The following OSBPL5 variants were observed in gnomAD, a reference collection of about 807,000 sequenced individuals.
OSBPL5 encodes the protein oxysterol binding protein like 5.
In OSBPL5, 71 loss-of-function variants were observed where a neutral mutation model predicts 111.2. The ratio of observed to expected loss-of-function variants is 0.64; its 90% CI spans 0.53 to 0.78. OSBPL5 has a LOEUF of 0.78. Among genes scored for constraint, OSBPL5 ranks in the 30% least tolerant of loss-of-function variants. The pLI, the probability that OSBPL5 is intolerant of heterozygous loss-of-function variation, is 0.00. For synonymous variants in OSBPL5, 549 were observed against 513.9 expected, an observed-to-expected ratio of 1.07 and a Z score of -0.93; for missense variants, 1,210 against 1,189.3, an observed-to-expected ratio of 1.02 and a Z score of -0.26.
At chr11:3,112,066 T>TGTGCGCGC (rs1165100268) in intron 7 of OSBPL5, among the ~76,000 whole-genome samples, 6 of 84,920 alleles carry the variant, frequency 7.1e-5, no homozygotes, top group African/African-American at 1.3e-4. Flanking sequence ...CATGTGTATG[T>TGTGCGCGC]GTGTGTGCAT....
chr11:3,095,548 T>C (rs150426193), intron 14 of OSBPL5, among the ~76,000 whole-genome samples: 351 of 152,278 alleles, frequency 2.3e-3, no homozygotes, highest in Middle Eastern at 6.8e-3. Flanking sequence ...ATGGCCCCCA[T>C]TGGCCAAAGA....
In OSBPL5 at chr11:3,113,845, C is replaced by G. The variant is rs1253811626; in HGVS notation, c.691+5702G>C. 3.9e-5 allele frequency among the ~76,000 whole-genome samples: 6 copies of G among 152,110 alleles called. No individual in the cohort carries two copies. The highest frequency in any genetic ancestry group is 8.8e-5 in the Non-Finnish European group (6 of 68,022). On this transcript the variant is annotated intron_variant, in intron 7 of 21. Transcript: ENST00000263650. This position sits in a 1 kb window ranked among gnomAD's most constrained non-coding sequence, Gnocchi z 4.8. ...AAGTTCCTCCCAAAGTTAGTTTGAC[C>G]TATGCCCAGGAATGAACAAGGATAG...
chr11:3,117,071 T>G (rs1317221813), intron 7 of OSBPL5, among the ~76,000 whole-genome samples: 2 of 152,246 alleles, frequency 1.3e-5, no homozygotes, highest in African/African-American at 4.8e-5. Flanking sequence ...TATTCGTAAC[T>G]TATGACAATA....
rs986155295 is a variant in OSBPL5, at chr11:3,113,858, T to C, written c.691+5689A>G. On this transcript the variant is annotated intron_variant, in intron 7 of 21. Coordinates refer to ENST00000263650, the MANE Select transcript of OSBPL5 (RefSeq NM_020896.4). This position sits in a 1 kb window ranked among gnomAD's most constrained non-coding sequence, Gnocchi z 4.8. ...AGTTAGTTTGACCTATGCCCAGGAATGAACAAGGATAGCTTGAAGGTTAGA... is the reference window on the plus strand; with the variant it reads ...AGTTAGTTTGACCTATGCCCAGGAACGAACAAGGATAGCTTGAAGGTTAGA... Among the ~76,000 whole-genome samples, 10 of 152,322 alleles carry C rather than the reference T, an allele frequency of 6.6e-5. No homozygotes were observed. Among genetic ancestry groups the C allele is most frequent in the Middle Eastern group, 3.4e-3 (1 of 294 alleles).
Position 3,104,174 on chromosome 11 carries a change from C to G in OSBPL5, c.1244+19G>C. 6.3e-7 allele frequency: 1 copy of G among 1,589,788 alleles called. No individual in the cohort carries two copies. Among genetic ancestry groups the G allele is most frequent in the Non-Finnish European group, 8.6e-7 (1 of 1,162,740 alleles). On this transcript the variant is annotated intron_variant, in intron 10 of 21. Transcript: ENST00000263650. This position sits in a 1 kb window ranked among gnomAD's most constrained non-coding sequence, Gnocchi z 5.0. Reference sequence around the variant, plus strand: ...ATGCAGGACGAGGTGTGGGGTGCCCCTCCCGGCATGGCGCGCACCTGGAGA... The same window carrying G: ...ATGCAGGACGAGGTGTGGGGTGCCCGTCCCGGCATGGCGCGCACCTGGAGA...
chr11:3,154,296 A>G lies in OSBPL5; in HGVS notation c.-22+10920T>C, dbSNP rs1218911386. ...GCCAGTAGGTAGCAGGATGTGTCGT[A>G]GAGGGCTTGCTGACCCCAAACATGC... On this transcript the variant is annotated intron_variant, in intron 1 of 21. Coordinates refer to ENST00000263650, the MANE Select transcript of OSBPL5 (RefSeq NM_020896.4). This position sits in a 1 kb window ranked among gnomAD's most constrained non-coding sequence, Gnocchi z 4.9. 4.6e-5 allele frequency among the ~76,000 whole-genome samples: 7 copies of G among 152,250 alleles called. No homozygotes were observed. The highest frequency in any genetic ancestry group is 1.0e-4 in the Non-Finnish European group (7 of 68,050).
At chr11:3,090,100 C>T (rs919915395) in intron 20 of OSBPL5, 152 bp from the exon 21 acceptor site, 4 of 604,154 alleles carry the variant, frequency 6.6e-6, no homozygotes, top group Middle Eastern at 4.3e-4. Flanking sequence ...GCTGAAGACA[C>T]GGAGATGAGG....
At chr11:3,091,677 C>T (rs1313674140) in intron 19 of OSBPL5, among the ~76,000 whole-genome samples, 2 of 152,158 alleles carry the variant, frequency 1.3e-5, no homozygotes, top group Non-Finnish European at 2.9e-5. Context: ...TGTCTACCTT[C>T]CTGAGGCTTC....
chr11:3,094,448 T>A, intron 14 of OSBPL5, 114 bp from the exon 15 acceptor site: 4 of 763,128 alleles, frequency 5.2e-6, no homozygotes, highest in Non-Finnish European at 8.8e-6. Context: ...GCAGCACCGA[T>A]CCCTGGGAGG....
At chr11:3,101,287 C>A (rs1273358862) in intron 13 of OSBPL5, among the ~76,000 whole-genome samples, 1 of 151,196 alleles carries the variant, frequency 6.6e-6, no homozygotes, top group African/African-American at 2.4e-5. Flanking sequence ...AGTTTCATTT[C>A]ATTTTAGCCA....
In OSBPL5 at chr11:3,110,976, G is replaced by A. The variant is rs554059933; in HGVS notation, c.692-3031C>T. On this transcript the variant is annotated intron_variant, in intron 7 of 21. Transcript: ENST00000263650. The surrounding 1 kb of genome is among the most constrained non-coding windows in gnomAD (Gnocchi z 5.3). The stretch of plus-strand genomic sequence containing the variant: ...AAACTTTCTAAATTAACTGAGACCT[G>A]TCTCAGATTTTCAGGGTTCAAACAT... Among the ~76,000 whole-genome samples, 1 of 152,242 alleles carries A rather than the reference G, an allele frequency of 6.6e-6. No individual in the cohort carries two copies. Among genetic ancestry groups the A allele is most frequent in the Non-Finnish European group, 1.5e-5 (1 of 68,024 alleles).
At position 3,092,762 on chromosome 11, in the gene OSBPL5, G is replaced by T. The variant is rs535954344; in HGVS notation, c.2132+105C>A. The T allele has an allele frequency of 1.3e-4, 179 of 1,405,976 alleles. 1 individual carries two copies. In the East Asian group the frequency reaches 2.8e-3, roughly 22 times the overall value. 87.1% of individuals were successfully genotyped at this position (1,405,976 alleles called of 1,614,324 possible). A position where few individuals can be genotyped will look rare whatever the true frequency, so the allele number is the denominator to read the frequency against. On this transcript the variant is annotated intron_variant, in intron 18 of 21. Coordinates refer to ENST00000263650, the MANE Select transcript of OSBPL5 (RefSeq NM_020896.4). This position sits in a 1 kb window ranked among gnomAD's most constrained non-coding sequence, Gnocchi z 5.4. ...CCCTCCCCCACCGACTCCTCCAGGGGACAGGCTGAAGGTGAGAGGGAAGCC... is the reference window on the plus strand; with the variant it reads ...CCCTCCCCCACCGACTCCTCCAGGGTACAGGCTGAAGGTGAGAGGGAAGCC...
rs1025224721 is a variant in OSBPL5, at chr11:3,142,609, C to T, written c.-21-13440G>A. ...TACAGGTCTGAGAGTCACCGTCTCG[C>T]GGGTGGAGAGCCTGGGTGGTGCGTT... On this transcript the variant is annotated intron_variant, in intron 1 of 21. Transcript: ENST00000263650. The surrounding 1 kb of genome is among the most constrained non-coding windows in gnomAD (Gnocchi z 7.1). 2.0e-5 allele frequency among the ~76,000 whole-genome samples: 3 copies of T among 152,222 alleles called. No homozygotes were observed. The highest frequency in any genetic ancestry group is 4.8e-5 in the African/African-American group (2 of 41,460).
At chr11:3,133,454 G>A (rs541210703) in intron 1 of OSBPL5, among the ~76,000 whole-genome samples, 1 of 152,350 alleles carries the variant, frequency 6.6e-6, no homozygotes, top group South Asian at 2.1e-4. Context: ...GCCACGCTCC[G>A]GCCACCAAGG....
In OSBPL5 at chr11:3,087,272, G is replaced by C. The variant is rs529750606; in HGVS notation, c.*933C>G. 3.9e-5 allele frequency: 6 copies of C among 153,380 alleles called. No individual in the cohort carries two copies. In the East Asian group the frequency reaches 1.2e-3, roughly 30 times the overall value. 9.5% of individuals were successfully genotyped at this position (153,380 alleles called of 1,614,324 possible). A position where few individuals can be genotyped will look rare whatever the true frequency, so the allele number is the denominator to read the frequency against. On this transcript the variant is annotated 3_prime_UTR_variant, in exon 22 of 22. Coordinates refer to ENST00000263650, the MANE Select transcript of OSBPL5 (RefSeq NM_020896.4). ...CCGCCACGATGTGGTTTAAGGCTCT[G>C]TACGTATATATATGTGTAGAGGCTC...
Position 3,105,192 on chromosome 11 carries a change from G to A in OSBPL5, c.1060-815C>T, listed in dbSNP as rs567237238. On this transcript the variant is annotated intron_variant, in intron 9 of 21. Coordinates refer to ENST00000263650, the MANE Select transcript of OSBPL5 (RefSeq NM_020896.4). This position sits in a 1 kb window ranked among gnomAD's most constrained non-coding sequence, Gnocchi z 5.2. The stretch of plus-strand genomic sequence containing the variant: ...GGTCACACGGCTGCTATGCGGCAGA[G>A]GTCAGATCTGAACTCAGGGCTCTCT... Among the ~76,000 whole-genome samples the A allele has an allele frequency of 7.9e-5, 12 of 152,342 alleles. No individual in the cohort carries two copies. The highest frequency in any genetic ancestry group is 2.6e-4 in the African/African-American group (11 of 41,590).
intron 1 of OSBPL5, among the ~76,000 whole-genome samples, chr11:3,157,047 C>G (rs1010568594): frequency 6.6e-6 from 1 of 152,244 alleles, no homozygotes; most frequent in Non-Finnish European, 1.5e-5. Flanking sequence ...GCTCCCAGTT[C>G]GCACAGGTCA....
chr11:3,153,784 C>T (rs1846663257), intron 1 of OSBPL5, among the ~76,000 whole-genome samples: 2 of 152,282 alleles, frequency 1.3e-5, no homozygotes, highest in South Asian at 2.1e-4. Flanking sequence ...GCACGACTCC[C>T]GAGTGGCCCA....
rs1385060700 is a variant in OSBPL5 at position 3,135,088 on chromosome 11, G to A, written c.-21-5919C>T. Reference sequence around the variant, plus strand: ...AGACCCAGCCCCTTTGTCCAAGAACGTTTCCCCAGCTGTCAGTCCTCAGGA... The same window carrying A: ...AGACCCAGCCCCTTTGTCCAAGAACATTTCCCCAGCTGTCAGTCCTCAGGA... On this transcript the variant is annotated intron_variant, in intron 1 of 21. Coordinates refer to ENST00000263650, the MANE Select transcript of OSBPL5 (RefSeq NM_020896.4). Among the ~76,000 whole-genome samples, 4 of 152,218 alleles carry A rather than the reference G, an allele frequency of 2.6e-5. 1 individual carries two copies. The South Asian group carries it at 6.2e-4, about 24-fold the overall frequency.
Sources: gnomAD v4.1 joint callset for allele counts (sites outside exome capture counted in the v4.1 genomes callset) on GRCh38, gnomAD v4.1.1 for gene constraint, Gnocchi (gnomAD v3.1) non-coding constraint, MANE v1.5 for transcripts, NCBI Gene and HGNC (gene_info 2026-07-23, HGNC 2026-07-21) for gene names.